The following ARHGEF3 variants were observed in gnomAD, a reference collection of about 807,000 sequenced individuals.
The protein encoded by ARHGEF3 is Rho guanine nucleotide exchange factor 3, also known as 59.8 kDA protein.
Under a neutral mutation model 63.2 loss-of-function variants are expected in ARHGEF3, and 28 were observed. The observed-to-expected ratio is 0.44, with a 90% CI of 0.33 to 0.61. The LOEUF (loss-of-function observed/expected upper bound fraction) is 0.61. Ranked by LOEUF, ARHGEF3 falls within the 20% of genes least tolerant of loss-of-function variation. ARHGEF3 has a pLI of 0.03. For synonymous variants in ARHGEF3, 266 were observed against 254.2 expected, an observed-to-expected ratio of 1.05 and a Z score of -0.44; for missense variants, 533 against 659.3, an observed-to-expected ratio of 0.81 and a Z score of 2.10.
At chr3:56,924,769 A>G (rs1315187217) in intron 3 of ARHGEF3, among the ~76,000 whole-genome samples, 1 of 152,196 alleles carries the variant, frequency 6.6e-6, no homozygotes, top group Non-Finnish European at 1.5e-5. Flanking sequence ...CTGTTTTATC[A>G]GCAAGGTCTT....
At chr3:56,812,726 C>T (rs1417549255) in intron 4 of ARHGEF3, among the ~76,000 whole-genome samples, 2 of 152,192 alleles carry the variant, frequency 1.3e-5, no homozygotes, top group Non-Finnish European at 2.9e-5. Context: ...AAACATGGTG[C>T]TTATCTGAAG....
At chr3:56,843,098 G>A (rs79841248) in intron 4 of ARHGEF3, among the ~76,000 whole-genome samples, 18,052 of 152,240 alleles carry the variant, frequency 0.12, 1,137 homozygotes, top group South Asian at 0.14. Context: ...GAGAGAACCA[G>A]TTTAGGGTTT....
At chr3:57,014,226 C>T (rs769057562) in intron 2 of ARHGEF3, among the ~76,000 whole-genome samples, 5 of 152,104 alleles carry the variant, frequency 3.3e-5, no homozygotes, top group African/African-American at 7.2e-5. Flanking sequence ...TCTGAATATC[C>T]GAAGGAACAA....
At chr3:56,983,482 T>C (rs528018751) in intron 2 of ARHGEF3, among the ~76,000 whole-genome samples, 2 of 152,194 alleles carry the variant, frequency 1.3e-5, no homozygotes, top group South Asian at 2.1e-4. Context: ...GCTGCAGACA[T>C]AAAGCTTTCT....
chr3:56,963,865 A>G (rs878872063), intron 2 of ARHGEF3, among the ~76,000 whole-genome samples: 1 of 152,172 alleles, frequency 6.6e-6, no homozygotes, highest in Non-Finnish European at 1.5e-5. Flanking sequence ...TGAAGACCCA[A>G]TTCTTTGTGG....
intron 2 of ARHGEF3, chr3:56,975,829 A>G: frequency 2.4e-6 from 1 of 410,998 alleles, no homozygotes; most frequent in South Asian, 1.8e-5. Flanking sequence ...GACTTAAAAA[A>G]AAATAATAAA....
At chr3:57,038,253 A>G (rs1177953719) in intron 1 of ARHGEF3, among the ~76,000 whole-genome samples, 1 of 152,246 alleles carries the variant, frequency 6.6e-6, no homozygotes, top group Non-Finnish European at 1.5e-5. Flanking sequence ...GAATGAATAA[A>G]CAAAAAATTT....
At chr3:57,010,474 A>C (rs1015561904) in intron 2 of ARHGEF3, among the ~76,000 whole-genome samples, 2 of 151,072 alleles carry the variant, frequency 1.3e-5, no homozygotes, top group Non-Finnish European at 3.0e-5. Context: ...AAAAAAAAAA[A>C]CCCACAGTGG....
rs186562002 is a variant in ARHGEF3 at position 56,857,224 on chromosome 3, G to A, written c.192+25068C>T. Among the ~76,000 whole-genome samples the A allele has an allele frequency of 3.3e-3, 506 of 152,208 alleles. 3 individuals are homozygous for A. Among genetic ancestry groups the A allele is most frequent in the African/African-American group, 0.012 (483 of 41,524 alleles). ...AACAAGCCACATCTACAGTGGCCAC[G>A]GTGGGTTGCCTTCCTAACGTTGATT... On this transcript the variant is annotated intron_variant, in intron 4 of 12. Transcript: ENST00000338458.
At chr3:56,865,463 T>C (rs547775985) in intron 4 of ARHGEF3, among the ~76,000 whole-genome samples, 3 of 152,326 alleles carry the variant, frequency 2.0e-5, no homozygotes, top group South Asian at 2.1e-4. Context: ...TAAAGGAAGA[T>C]AATTTATAAT....
intron 8 of ARHGEF3, among the ~76,000 whole-genome samples, chr3:56,734,724 A>AACACAC (rs1398003849): frequency 6.6e-6 from 1 of 152,154 alleles, no homozygotes; most frequent in African/African-American, 2.4e-5. Flanking sequence ...CTACCTCCCA[A>AACACAC]ACACACACAA....
chr3:56,894,293 T>C (rs1427618029), intron 3 of ARHGEF3, among the ~76,000 whole-genome samples: 1 of 152,218 alleles, frequency 6.6e-6, no homozygotes, highest in African/African-American at 2.4e-5. Context: ...AACCAATGTA[T>C]CTACGGCATT....
At chr3:56,861,594 G>A (rs1305473815) in intron 4 of ARHGEF3, among the ~76,000 whole-genome samples, 1 of 152,096 alleles carries the variant, frequency 6.6e-6, no homozygotes, top group Non-Finnish European at 1.5e-5. Context: ...ATTTACAGAA[G>A]GGGCTATGGA....
chr3:56,904,191 A>C (rs192746739), intron 3 of ARHGEF3, among the ~76,000 whole-genome samples: 109 of 152,126 alleles, frequency 7.2e-4, no homozygotes, highest in Admixed American at 2.0e-3. Flanking sequence ...CACCATGCCC[A>C]GCTAACTTTT....
At chr3:56,868,360 TG>T (rs1373005304) in intron 4 of ARHGEF3, among the ~76,000 whole-genome samples, 31 of 133,862 alleles carry the variant, frequency 2.3e-4, no homozygotes, top group East Asian at 7.9e-4. Flanking sequence ...TTTTTTTGTT[TG>T]TTTTTTTTTT....
intron 8 of ARHGEF3, among the ~76,000 whole-genome samples, chr3:56,736,408 G>A (rs889177919): frequency 1.3e-5 from 2 of 152,144 alleles, no homozygotes; most frequent in African/African-American, 2.4e-5. Flanking sequence ...GGTATCTATA[G>A]GTCAAAGCTA....
At chr3:56,924,086 C>A (rs367560764) in intron 3 of ARHGEF3, among the ~76,000 whole-genome samples, 1 of 152,132 alleles carries the variant, frequency 6.6e-6, no homozygotes, top group East Asian at 1.9e-4. Flanking sequence ...ATAAGCCCCA[C>A]GTGGCTGTAA....
At chr3:57,076,855 G>T (rs1365790457) in intron 1 of ARHGEF3, 1 of 152,178 alleles carries the variant, frequency 6.6e-6, no homozygotes, top group Non-Finnish European at 1.5e-5. Flanking sequence ...CTGTCCTCTT[G>T]AATCCTACAT....
intron 7 of ARHGEF3, among the ~76,000 whole-genome samples, chr3:56,744,339 T>C (rs915757973): frequency 6.6e-6 from 1 of 151,942 alleles, no homozygotes; most frequent in Non-Finnish European, 1.5e-5. Context: ...CCTCGTCTTC[T>C]ATTGCTGCTA....
Sources: allele counts gnomAD v4.1 joint callset (sites outside exome capture counted in the v4.1 genomes callset), GRCh38; gene constraint gnomAD v4.1.1; transcripts MANE v1.5; gene names NCBI Gene and HGNC (gene_info 2026-07-23, HGNC 2026-07-21).